PRH1: variants seen among roughly 807,000 people sequenced by gnomAD.
The protein encoded by PRH1 is proline rich protein HaeIII subfamily 1, also known as salivary acidic proline-rich phosphoprotein 1/2.
A neutral mutation model predicts 7.9 loss-of-function variants in PRH1; 7 were observed. The ratio of observed to expected loss-of-function variants is 0.89; its 90% CI spans 0.50 to 1.67. PRH1 has a LOEUF of 1.67. Among genes scored for constraint, PRH1 ranks in the 40% most tolerant of loss-of-function variants. The pLI is 0.00. For synonymous variants in PRH1, 45 were observed against 80.8 expected (o/e 0.56, Z 2.38); for missense variants, 109 against 223.6 (o/e 0.49, Z 3.27).
At chr12:11,163,510 A>C (rs1417767555) in intron 1 of PRH1, among the ~76,000 whole-genome samples, 6 of 152,236 alleles carry the variant, frequency 3.9e-5, no homozygotes, top group Admixed American at 3.9e-4. Flanking sequence ...AAGCTGTTAG[A>C]ATAATCTAAT....
chr12:10,988,774 G>C lies in PRH1; in HGVS notation c.-125-15053C>G, dbSNP rs549153480. On this transcript the variant is annotated intron_variant, in intron 1 of 3. Transcript: ENST00000539853. ...CACCTTTCTTCACATACCCTGAGGA[G>C]AGCAATAGCCATAATTTAGAATGAT... is the stretch of plus-strand genomic sequence containing the variant. Among the ~76,000 whole-genome samples the C allele has an allele frequency of 1.5e-3, 223 of 152,118 alleles. 2 individuals carry two copies. The highest frequency in any genetic ancestry group is 3.4e-3 in the Middle Eastern group (1 of 294).
At chr12:10,906,349 G>A (rs1028665210) in intron 2 of PRH1, among the ~76,000 whole-genome samples, 1 of 152,158 alleles carries the variant, frequency 6.6e-6, no homozygotes, top group African/African-American at 2.4e-5. Flanking sequence ...TTTTCTTACA[G>A]GAAAATAGTT....
At chr12:10,977,422 A>C (rs550666484) in intron 1 of PRH1, among the ~76,000 whole-genome samples, 6 of 152,320 alleles carry the variant, frequency 3.9e-5, no homozygotes, top group Admixed American at 3.9e-4. Flanking sequence ...ACTTCACAAT[A>C]ATAAGCACCA....
rs138170101 is a variant in PRH1, at chr12:10,979,525, A to C, written c.-125-5804T>G. 3.2e-3 allele frequency among the ~76,000 whole-genome samples: 486 copies of C among 152,324 alleles called. 3 individuals carry two copies. The highest frequency in any genetic ancestry group is 0.011 in the African/African-American group (455 of 41,570). On this transcript the variant is annotated intron_variant, in intron 1 of 3. Coordinates refer to the PRH1 transcript ENST00000539853. The stretch of plus-strand genomic sequence containing the variant: ...AGGCAGACAAAAACAGATCATTCAA[A>C]TGATTATAGGACTTCGTAAGGATTT...
intron 2 of PRH1, among the ~76,000 whole-genome samples, chr12:10,917,487 T>C (rs1367222256): frequency 6.6e-6 from 1 of 152,224 alleles, no homozygotes; most frequent in Non-Finnish European, 1.5e-5. Context: ...AGAGCAATCA[T>C]TTTTCAAATG....
upstream of PRH1, among the ~76,000 whole-genome samples, chr12:10,884,634 G>T (rs1170879588): frequency 1.3e-5 from 2 of 152,118 alleles, no homozygotes; most frequent in African/African-American, 2.4e-5. Context: ...TCGGGGGGTG[G>T]ACACTGATCC....
chr12:11,092,897 T>C (rs1478622816), intron 1 of PRH1, among the ~76,000 whole-genome samples: 3 of 115,078 alleles, frequency 2.6e-5, no homozygotes, highest in African/African-American at 8.7e-5. Flanking sequence ...CCATGGCATG[T>C]TAACTGATGA....
At chr12:11,115,677 T>C (rs539831203) in intron 1 of PRH1, among the ~76,000 whole-genome samples, 9 of 152,090 alleles carry the variant, frequency 5.9e-5, no homozygotes, top group East Asian at 5.8e-4. Flanking sequence ...ATCCAAAAAA[T>C]TGAAATATTA....
intron 1 of PRH1, among the ~76,000 whole-genome samples, chr12:11,067,328 G>C (rs1565615881): frequency 6.6e-6 from 1 of 152,154 alleles, no homozygotes; most frequent in Non-Finnish European, 1.5e-5. Context: ...ATTTCATTTA[G>C]AGACACATTT....
At chr12:11,132,381 G>A (rs1946378763) in intron 1 of PRH1, among the ~76,000 whole-genome samples, 1 of 152,170 alleles carries the variant, frequency 6.6e-6, no homozygotes, top group Admixed American at 6.5e-5. Flanking sequence ...CTTATCTGAA[G>A]TTTAGAAAGA....
chr12:10,961,327 G>A (rs186119427), intron 2 of PRH1, among the ~76,000 whole-genome samples: 5 of 150,960 alleles, frequency 3.3e-5, no homozygotes, highest in East Asian at 1.9e-4. Context: ...GGTGCCCAGC[G>A]AACAATGATA....
chr12:11,092,406 G>A (rs1944953981), intron 1 of PRH1: 1 of 339,692 alleles, frequency 2.9e-6, no homozygotes. Context: ...GGTTTATTGA[G>A]AAGAGAGAAA....
intron 2 of PRH1, among the ~76,000 whole-genome samples, chr12:10,931,844 A>C (rs1565479925): frequency 1.3e-5 from 2 of 151,656 alleles, no homozygotes; most frequent in Admixed American, 6.6e-5. Flanking sequence ...ATTATATATG[A>C]TGCTATTGTT....
intron 1 of PRH1, among the ~76,000 whole-genome samples, chr12:11,150,994 A>T (rs948712437): frequency 1.3e-5 from 2 of 152,250 alleles, no homozygotes; most frequent in Middle Eastern, 3.4e-3. Flanking sequence ...AGTCTCACTG[A>T]GCTGTGACAG....
chr12:11,071,288 A>G (rs1246504129), intron 1 of PRH1, among the ~76,000 whole-genome samples: 2 of 151,760 alleles, frequency 1.3e-5, no homozygotes, highest in Non-Finnish European at 2.9e-5. Flanking sequence ...AAGCATACCT[A>G]CTTGGCCACT....
At chr12:10,931,455 T>G (rs1446096930) in intron 2 of PRH1, among the ~76,000 whole-genome samples, 2 of 152,158 alleles carry the variant, frequency 1.3e-5, no homozygotes, top group African/African-American at 4.8e-5. Flanking sequence ...ACACTAGCAT[T>G]TCAAGTCCAG....
intron 2 of PRH1, among the ~76,000 whole-genome samples, chr12:10,971,197 C>T (rs1398918859): frequency 6.6e-6 from 1 of 152,176 alleles, no homozygotes; most frequent in African/African-American, 2.4e-5. Flanking sequence ...TCTTGTTTTC[C>T]TCCTCCCTAC....
intron 1 of PRH1, chr12:11,031,517 A>ATACG: frequency 9.3e-6 from 6 of 648,594 alleles, no homozygotes; most frequent in Admixed American, 7.3e-5. Context: ...TATTGAGAAG[A>ATACG]GAGAAAGGAC....
In PRH1 at chr12:11,030,185, G is replaced by A. The variant is rs574854448; in HGVS notation, c.-126+16835C>T. 7.2e-5 allele frequency among the ~76,000 whole-genome samples: 11 copies of A among 151,852 alleles called. No homozygotes were observed. In the East Asian group the frequency reaches 2.1e-3, roughly 29 times the overall value. On this transcript the variant is annotated intron_variant, in intron 1 of 3. Coordinates refer to the PRH1 transcript ENST00000539853. ...GTTTGTATGAAAAAAACAGAAAAGA[G>A]CATGTTATTGTCAATGTTCTTAAGT...
Sources: allele counts gnomAD v4.1 joint callset (sites outside exome capture counted in the v4.1 genomes callset), GRCh38; gene constraint gnomAD v4.1.1; transcripts MANE v1.5; gene names NCBI Gene and HGNC (gene_info 2026-07-23, HGNC 2026-07-21).